ARMC3: variants seen among roughly 807,000 people sequenced by gnomAD.
The protein encoded by ARMC3 is armadillo repeat containing 3.
In ARMC3, 74 loss-of-function variants were observed where a neutral mutation model predicts 90.3. The observed-to-expected ratio is 0.82, with a 90% confidence interval of 0.68 to 0.99. ARMC3 has a LOEUF of 0.99. Ranked by LOEUF, ARMC3 falls within the 50% of genes least tolerant of loss-of-function variation. The pLI, the probability that ARMC3 is intolerant of heterozygous loss-of-function variation, is 0.00. For synonymous variants in ARMC3, 334 were observed against 361.8 expected (o/e 0.92, Z 0.87); for missense variants, 958 against 1,042.8 (o/e 0.92, Z 1.12).
intron 10 of ARMC3, among the ~76,000 whole-genome samples, chr10:22,986,564 A>C (rs1183569098): frequency 2.5e-4 from 33 of 133,674 alleles, no homozygotes; most frequent in African/African-American, 8.7e-4. Context: ...AAAAAAAAAC[A>C]AAAAAAAAAA....
intron 1 of ARMC3, among the ~76,000 whole-genome samples, chr10:22,929,751 A>C (rs906304799): frequency 6.6e-6 from 1 of 152,124 alleles, no homozygotes; most frequent in African/African-American, 2.4e-5. Context: ...GAGTTTTGCC[A>C]TGTTGTCCAG....
intron 16 of ARMC3, among the ~76,000 whole-genome samples, chr10:23,019,102 C>T (rs1471914036): frequency 6.6e-6 from 1 of 151,480 alleles, no homozygotes; most frequent in African/African-American, 2.4e-5. Context: ...GCACAAATGA[C>T]AGATAAGCCA....
intron 10 of ARMC3, among the ~76,000 whole-genome samples, chr10:22,985,492 C>A (rs1256721781): frequency 1.3e-5 from 2 of 152,148 alleles, no homozygotes; most frequent in Non-Finnish European, 2.9e-5. Context: ...GAGTTCCTTT[C>A]AAATCCTTCC....
At chr10:23,010,445 CCTTCCT>C (rs1837897564) in intron 16 of ARMC3, among the ~76,000 whole-genome samples, 1 of 5,284 alleles carries the variant, frequency 1.9e-4, no homozygotes, top group Non-Finnish European at 6.5e-4. Context: ...CCTCCCCTCT[CCTTCCT>C]TTCCCTCCTC....
chr10:23,005,385 T>C (rs897552419), intron 13 of ARMC3, among the ~76,000 whole-genome samples: 13 of 152,092 alleles, frequency 8.5e-5, no homozygotes, highest in Non-Finnish European at 1.8e-4. Flanking sequence ...AACGAGACAA[T>C]TTCTTTTTTA....
chr10:22,972,349 T>C (rs1484358372), intron 8 of ARMC3, among the ~76,000 whole-genome samples: 1 of 152,218 alleles, frequency 6.6e-6, no homozygotes, highest in East Asian at 1.9e-4. Flanking sequence ...TTTGAGTTTA[T>C]TTTTATATAG....
At chr10:22,983,915 C>T (rs921898125) in intron 10 of ARMC3, among the ~76,000 whole-genome samples, 26 of 152,160 alleles carry the variant, frequency 1.7e-4, no homozygotes, top group Admixed American at 1.3e-3. Context: ...AGCTTAAACT[C>T]AGCATTGGTG....
intron 16 of ARMC3, among the ~76,000 whole-genome samples, chr10:23,009,862 C>T (rs1564392999): frequency 6.6e-6 from 1 of 152,132 alleles, no homozygotes; most frequent in East Asian, 1.9e-4. Flanking sequence ...CTTTGAAAAA[C>T]TGTATTGAGT....
At chr10:23,027,400 A>G (rs140431289) in intron 16 of ARMC3, among the ~76,000 whole-genome samples, 4 of 152,102 alleles carry the variant, frequency 2.6e-5, no homozygotes, top group African/African-American at 7.3e-5. Flanking sequence ...TAAATGCTTC[A>G]AACAGTTTTT....
intron 7 of ARMC3, among the ~76,000 whole-genome samples, chr10:22,963,288 G>C (rs991415380): frequency 2.0e-5 from 3 of 152,018 alleles, no homozygotes; most frequent in Non-Finnish European, 4.4e-5. Flanking sequence ...ACCTATTATA[G>C]TGTTAATCCT....
intron 10 of ARMC3, among the ~76,000 whole-genome samples, chr10:22,996,924 GTT>G (rs375932608): frequency 1.4e-5 from 2 of 147,066 alleles, no homozygotes; most frequent in African/African-American, 2.5e-5. Context: ...AGCTTCAGTT[GTT>G]TTTTTTTTTA....
At chr10:22,933,861 G>A (rs1205714603) in intron 2 of ARMC3, among the ~76,000 whole-genome samples, 1 of 152,150 alleles carries the variant, frequency 6.6e-6, no homozygotes, top group East Asian at 1.9e-4. Flanking sequence ...CTTCAGTCTA[G>A]GCAACAGAGC....
chr10:22,932,703 T>C (rs1833977732), intron 2 of ARMC3, among the ~76,000 whole-genome samples: 1 of 152,248 alleles, frequency 6.6e-6, no homozygotes, highest in African/African-American at 2.4e-5. Context: ...GTGATTTCCT[T>C]CAGATAAATC....
intron 2 of ARMC3, among the ~76,000 whole-genome samples, chr10:22,936,417 C>T (rs1205079675): frequency 2.0e-5 from 3 of 152,172 alleles, no homozygotes; most frequent in South Asian, 2.1e-4. Context: ...GTTTTCATTG[C>T]TGAAGTTCTG....
At chr10:23,013,370 G>A (rs951151552) in intron 16 of ARMC3, among the ~76,000 whole-genome samples, 8 of 152,058 alleles carry the variant, frequency 5.3e-5, no homozygotes, top group Admixed American at 1.3e-4. Context: ...CTTTGTTTTT[G>A]TGAAGCCTTC....
intron 10 of ARMC3, among the ~76,000 whole-genome samples, chr10:22,989,146 A>G (rs998741955): frequency 3.9e-5 from 6 of 152,226 alleles, no homozygotes; most frequent in East Asian, 1.9e-4. Flanking sequence ...AACGTACGTT[A>G]ATTTAATTTG....
At chr10:23,023,371 G>C (rs909678723) in intron 16 of ARMC3, among the ~76,000 whole-genome samples, 5 of 152,178 alleles carry the variant, frequency 3.3e-5, no homozygotes, top group Middle Eastern at 3.2e-3. Context: ...CAGGGAGACT[G>C]CTTGCTAAAA....
chr10:23,022,497 G>A (rs1238642253), intron 16 of ARMC3, among the ~76,000 whole-genome samples: 1 of 152,108 alleles, frequency 6.6e-6, no homozygotes, highest in Non-Finnish European at 1.5e-5. Flanking sequence ...CTATGACTTG[G>A]GGGAAAACAC....
rs529576225 is a variant in ARMC3 at position 23,006,832 on chromosome 10, G to A, written c.1732-52G>A. The A allele has an allele frequency of 8.5e-5, 130 of 1,529,008 alleles. No individual in the cohort carries two copies. The African/African-American group carries it at 1.1e-3, about 13-fold the overall frequency. 94.7% of individuals were successfully genotyped at this position (1,529,008 alleles called of 1,614,324 possible). On this transcript the variant is annotated intron_variant, in intron 13 of 18. Coordinates refer to ENST00000298032, the MANE Select transcript of ARMC3 (RefSeq NM_173081.5). ...ATATATTCTATCTGTATTCATTTTC[G>A]AAAATATGACCCCTGCAGATACTAC...
Sources: gnomAD v4.1 joint callset for allele counts (sites outside exome capture counted in the v4.1 genomes callset) on GRCh38, gnomAD v4.1.1 for gene constraint, MANE v1.5 for transcripts, NCBI Gene and HGNC (gene_info 2026-07-23, HGNC 2026-07-21) for gene names.